The following TEDC2 variants were observed in gnomAD, a reference collection of about 807,000 sequenced individuals.
The protein encoded by TEDC2 is tubulin epsilon and delta complex protein 2.
A neutral mutation model predicts 48.1 loss-of-function variants in TEDC2; 49 were observed. The observed-to-expected ratio is 1.02, with a 90% CI of 0.81 to 1.29. The LOEUF is 1.29. TEDC2 is among the 50% of genes most tolerant of loss of function. The pLI, the probability that TEDC2 is intolerant of heterozygous loss-of-function variation, is 0.00. For missense variants in TEDC2, 631 were observed against 571.4 expected, an observed-to-expected ratio of 1.10 and a Z score of -1.06; for synonymous variants, 299 against 247.1, an observed-to-expected ratio of 1.21 and a Z score of -1.97.
At chr16:2,460,242 C>T (rs1334900724) in intron 1 of TEDC2, 41 bp from the exon 2 acceptor site, 7 of 1,492,778 alleles carry the variant, frequency 4.7e-6, no homozygotes, top group Admixed American at 4.5e-5. Context: ...GCCCGAGGCC[C>T]GACGCTGGCC....
chr16:2,461,203 C>T lies in TEDC2; in HGVS notation c.584C>T (p.Ala195Val). 2.7e-6 allele frequency: 4 copies of T among 1,489,048 alleles called. No homozygotes were observed. The highest frequency in any genetic ancestry group is 3.6e-6 in the Non-Finnish European group (4 of 1,119,860). 92.2% of individuals were successfully genotyped at this position (1,489,048 alleles called of 1,614,324 possible). ...TCCGCTGCTCCTCAGGCCCCAGAAG[C>T]CTTCACACTCAAGGAGAAGGGGTAG... ...APSAAPQAPE[A>V]FTLKEKGHLL... The change falls in exon 4 of 10, where the codon GCC becomes GTC. Residue 195 changes from alanine to valine, a missense_variant. Coordinates refer to ENST00000361837, the MANE Select transcript of TEDC2 (RefSeq NM_025108.3).
In TEDC2 at chr16:2,462,473, T is replaced by TGCGGAAG. The variant is rs2141839007; in HGVS notation, c.812_818dup (p.Cys274GlufsTer75). 2 of 1,610,434 alleles carry TGCGGAAG rather than the reference T, an allele frequency of 1.2e-6. No homozygotes were observed. The highest frequency in any genetic ancestry group is 4.5e-5 in the East Asian group (2 of 44,864). On this transcript the variant is annotated frameshift_variant, in exon 7 of 10. Transcript: ENST00000361837. LOFTEE classifies it high-confidence loss of function. ...GAGGTGGAGGCGGAGGCGGGGCGCC[T>TGCGGAAG]GCGGAAGGCCTGCTCGCTGCTGAGA...
Position 2,464,620 on chromosome 16 carries a change from G to C in TEDC2, c.1254G>C (p.Glu418Asp). The change falls in exon 10 of 10, where the codon GAG becomes GAC. Residue 418 changes from glutamate to aspartate, a missense_variant. Transcript: ENST00000361837. ...LCRAVHSLLC[E>D]GGARVLTILR... ...GGGCTGTGCACAGCCTGCTCTGCGA[G>C]GGAGGAGCACGTGTCCTTACCATCC... The C allele has an allele frequency of 6.2e-7, 1 of 1,612,626 alleles. No homozygotes were observed. The highest frequency in any genetic ancestry group is 1.7e-4 in the Middle Eastern group (1 of 6,060).
chr16:2,462,445 G>T lies in TEDC2; in HGVS notation c.781G>T (p.Val261Leu). The T allele has an allele frequency of 6.2e-7, 1 of 1,611,794 alleles. No individual in the cohort carries two copies. The highest frequency in any genetic ancestry group is 8.5e-7 in the Non-Finnish European group (1 of 1,179,652). ...SGGPQPRLSA[V>L]EVEAEAGRLR... ...CGGGCCCCAGCCCAGGCTCAGTGCTGTGGAGGTGGAGGCGGAGGCGGGGCG... is the reference window on the plus strand; with the variant it reads ...CGGGCCCCAGCCCAGGCTCAGTGCTTTGGAGGTGGAGGCGGAGGCGGGGCG... Residue 261 changes from valine to leucine, a missense_variant, in exon 7 of 10, where the codon GTG (valine) becomes TTG (leucine). Transcript: ENST00000361837.
chr16:2,460,890 C>T lies in TEDC2; in HGVS notation c.271C>T (p.Arg91Ter), dbSNP rs762413882. The T allele has an allele frequency of 1.1e-5, 17 of 1,613,398 alleles. No homozygotes were observed. In the African/African-American group the frequency reaches 1.9e-4, roughly 18 times the overall value. Residue 91 changes from arginine (R) to a stop codon, truncating the protein, a stop_gained, in exon 4 of 10, where the codon CGA becomes TGA. Coordinates refer to ENST00000361837, the MANE Select transcript of TEDC2 (RefSeq NM_025108.3). LOFTEE classifies it high-confidence loss of function. ...GGCACTGGAGAAGGCTGTACGAGTT[C>T]GAAGAGGCATCACTAAGGCCGGAGA... is the stretch of plus-strand genomic sequence containing the variant. ...TQALEKAVRV[R>*]RGITKAGERD...
rs773467712 is a variant in TEDC2 at position 2,460,681 on chromosome 16, G to T, written c.184G>T (p.Asp62Tyr). 4 of 1,613,058 alleles carry T rather than the reference G, an allele frequency of 2.5e-6. No homozygotes were observed. Among genetic ancestry groups the T allele is most frequent in the South Asian group, 2.2e-5 (2 of 91,078 alleles). Reference sequence around the variant, plus strand: ...TCCAGGGCCAGAAACTAATGGAGAGGACCCCCTTCCAGGTAAACCTCCACC... The same window carrying T: ...TCCAGGGCCAGAAACTAATGGAGAGTACCCCCTTCCAGGTAAACCTCCACC... ...PPPGPETNGEDPLPACTPSPQ... is the reference protein window; with the variant it reads ...PPPGPETNGEYPLPACTPSPQ... The change falls in exon 3 of 10, where the codon GAC (aspartate) becomes TAC (tyrosine). Residue 62 changes from aspartate to tyrosine, a missense_variant. Coordinates refer to ENST00000361837, the MANE Select transcript of TEDC2 (RefSeq NM_025108.3).
rs1285746408 is a variant in TEDC2 at position 2,464,507 on chromosome 16, C to T, written c.1156-15C>T. 5 of 1,549,882 alleles carry T rather than the reference C, an allele frequency of 3.2e-6. No homozygotes were observed. In the African/African-American group the frequency reaches 6.8e-5, roughly 21 times the overall value. ...GTGCCCCTGAGACCTTGGCCCTGCC[C>T]TGCCCTGCCCCCAGGTCCTGATGGC... On this transcript the variant is annotated splice_polypyrimidine_tract_variant and intron_variant, in intron 9 of 9. Transcript: ENST00000361837.
At chr16:2,464,472 C>A in intron 9 of TEDC2, 50 bp from the exon 10 acceptor site, 1 of 1,507,158 alleles carries the variant, frequency 6.6e-7, no homozygotes, top group Non-Finnish European at 8.8e-7. Flanking sequence ...CAGGATTGCC[C>A]CCCGCCTAGG....
At chr16:2,461,276 C>T in intron 4 of TEDC2, 52 bp downstream of exon 4, 4 of 1,432,964 alleles carry the variant, frequency 2.8e-6, no homozygotes, top group South Asian at 1.6e-5. Context: ...CCTCCTCAGA[C>T]CCTGGCTAGC....
intron 1 of TEDC2, 26 bp downstream of exon 1, chr16:2,460,196 T>A: frequency 1.2e-6 from 1 of 863,412 alleles, no homozygotes; most frequent in Non-Finnish European, 1.5e-6. Context: ...CAGGAGGGGG[T>A]GGGAGGATGC....
At chr16:2,460,402 C>T (rs917525462) in intron 2 of TEDC2, 21 bp downstream of exon 2, 17 of 1,544,024 alleles carry the variant, frequency 1.1e-5, no homozygotes, top group Non-Finnish European at 1.5e-5. Context: ...CCCGGACCCA[C>T]TGGCCAGACC....
chr16:2,464,342 G>T (rs1275624425), intron 9 of TEDC2, 113 bp downstream of exon 9: 2 of 1,412,712 alleles, frequency 1.4e-6, no homozygotes, highest in African/African-American at 2.8e-5. Flanking sequence ...GGGCAAGCCT[G>T]GGGTCTGTGT....
chr16:2,462,634 C>A lies in TEDC2; in HGVS notation c.866C>A (p.Pro289His). Reference sequence around the variant, plus strand: ...GCTCTCCCTGACTCTTCTGCAGCCCCCATGGACTGGATGCAGGAGTACCGC... The same window carrying A: ...GCTCTCCCTGACTCTTCTGCAGCCCACATGGACTGGATGCAGGAGTACCGC... The part of the protein sequence containing the change: ...LRMREELSAA[P>H]MDWMQEYRCL... Residue 289 changes from proline to histidine, a missense_variant, in exon 8 of 10, where the codon CCC becomes CAC. Coordinates refer to ENST00000361837, the MANE Select transcript of TEDC2 (RefSeq NM_025108.3). The A allele has an allele frequency of 6.5e-7, 1 of 1,546,416 alleles. No homozygotes were observed. The highest frequency in any genetic ancestry group is 2.4e-5 in the East Asian group (1 of 41,054).
chr16:2,461,507 G>A lies in TEDC2; in HGVS notation c.606-240G>A, dbSNP rs1001729051. 6.1e-5 allele frequency: 39 copies of A among 635,054 alleles called. No individual in the cohort carries two copies. The Middle Eastern group carries it at 1.3e-3, about 21-fold the overall frequency. 39.3% of individuals were successfully genotyped at this position (635,054 alleles called of 1,614,324 possible). A position where few individuals can be genotyped will look rare whatever the true frequency, so the allele number is the denominator to read the frequency against. On this transcript the variant is annotated intron_variant, in intron 4 of 9. Transcript: ENST00000361837. ...AGGCTCCAGATGGGCTCTGGAGGGCGTGGGATCTGCTCACAGGGCCCCGCT... is the reference window on the plus strand; with the variant it reads ...AGGCTCCAGATGGGCTCTGGAGGGCATGGGATCTGCTCACAGGGCCCCGCT...
intron 4 of TEDC2, 133 bp from the exon 5 acceptor site, chr16:2,461,614 G>T (rs956557676): frequency 8.5e-6 from 9 of 1,063,322 alleles, no homozygotes; most frequent in Non-Finnish European, 1.3e-5. Flanking sequence ...TATCCAAGGG[G>T]GCTCATCCTT....
chr16:2,461,471 G>C, intron 4 of TEDC2: 1 of 653,568 alleles, frequency 1.5e-6, no homozygotes, highest in Non-Finnish European at 2.5e-6. Flanking sequence ...CCCCTTATTT[G>C]CCCAGGCCAG....
In TEDC2 at chr16:2,464,513, T is replaced by TGCCCC; in HGVS notation, c.1156-8_1156-4dup. 1 of 1,555,950 alleles carries TGCCCC rather than the reference T, an allele frequency of 6.4e-7. No individual in the cohort carries two copies. On this transcript the variant is annotated splice_polypyrimidine_tract_variant and intron_variant, in intron 9 of 9. Transcript: ENST00000361837. ...CTGAGACCTTGGCCCTGCCCTGCCC[T>TGCCCC]GCCCCCAGGTCCTGATGGCTGAACT... is the stretch of plus-strand genomic sequence containing the variant.
Position 2,464,050 on chromosome 16 carries a change from C to T in TEDC2, c.976C>T (p.Gln326Ter). The T allele has an allele frequency of 1.9e-6, 3 of 1,611,994 alleles. No individual in the cohort carries two copies. The highest frequency in any genetic ancestry group is 1.1e-5 in the South Asian group (1 of 91,044). Residue 326 changes from glutamine to a stop codon, truncating the protein, a stop_gained, in exon 9 of 10, where the codon CAG becomes TAG. Transcript: ENST00000361837. LOFTEE classifies it high-confidence loss of function. Reference protein sequence around the residue: ...LQELRAAVAEQPPRPCPVGRP... With the variant: ...LQELRAAVAE ...TCCTGTGCACACAGCGGTGGCGGAA[C>T]AGCCACCAAGACCATGTCCTGTGGG...
chr16:2,460,233 C>A, intron 1 of TEDC2, 50 bp from the exon 2 acceptor site: 1 of 1,480,940 alleles, frequency 6.8e-7, no homozygotes. Context: ...AGGCGCGGGG[C>A]CCGAGGCCCG....
Sources: allele counts gnomAD v4.1 joint callset, GRCh38; gene constraint gnomAD v4.1.1; transcripts MANE v1.5; gene names NCBI Gene and HGNC (gene_info 2026-07-23, HGNC 2026-07-21).